Variants in PDE4B observed in about 807,000 individuals in gnomAD.
PDE4B encodes 3',5'-cyclic-AMP phosphodiesterase 4B.
In PDE4B, 20 loss-of-function variants were observed where a neutral mutation model predicts 82.2. That is an observed-to-expected ratio of 0.24 (90% confidence interval 0.17 to 0.35). PDE4B has a LOEUF of 0.35. Ranked by LOEUF, PDE4B falls within the 10% of genes least tolerant of loss-of-function variation. The pLI, the probability that PDE4B is intolerant of heterozygous loss-of-function variation, is 1.00. For synonymous variants in PDE4B, 320 were observed against 318.9 expected (o/e 1.00, Z -0.04); for missense variants, 655 against 907.2 (o/e 0.72, Z 3.57).
intron 1 of PDE4B, among the ~76,000 whole-genome samples, chr1:65,850,499 T>C (rs1430062255): frequency 6.6e-6 from 1 of 152,204 alleles, no homozygotes; most frequent in Non-Finnish European, 1.5e-5. Flanking sequence ...TTTGTGGTTT[T>C]AATTCACAGT....
intron 3 of PDE4B, among the ~76,000 whole-genome samples, chr1:66,223,081 G>C (rs1448256013): frequency 6.6e-6 from 1 of 152,176 alleles, no homozygotes; most frequent in African/African-American, 2.4e-5. Context: ...TGTGCCAGGT[G>C]TGTTCCAGAT....
At chr1:65,937,131 C>T (rs1648192890) in intron 3 of PDE4B, among the ~76,000 whole-genome samples, 1 of 152,174 alleles carries the variant, frequency 6.6e-6, no homozygotes, top group African/African-American at 2.4e-5. Flanking sequence ...GCTTGTCTCC[C>T]ACCTCCATCT....
intron 3 of PDE4B, among the ~76,000 whole-genome samples, chr1:66,203,628 A>G (rs534360254): frequency 2.6e-5 from 4 of 152,000 alleles, no homozygotes; most frequent in African/African-American, 7.2e-5. Context: ...CCTTTCTTCC[A>G]GTTGTTCGCA....
At chr1:66,365,507 T>C (rs1482004375) in intron 12 of PDE4B, among the ~76,000 whole-genome samples, 160 bp from the exon 13 acceptor site, 1 of 152,220 alleles carries the variant, frequency 6.6e-6, no homozygotes, top group Non-Finnish European at 1.5e-5. Flanking sequence ...TTTATGATGA[T>C]GAACAGAATC....
chr1:66,029,779 T>C (rs1198264228), intron 3 of PDE4B, among the ~76,000 whole-genome samples: 3 of 152,220 alleles, frequency 2.0e-5, no homozygotes, highest in Non-Finnish European at 2.9e-5. Flanking sequence ...TGAAATATTT[T>C]AAATACTGAA....
chr1:65,806,298 T>A (rs1645754059), intron 1 of PDE4B, among the ~76,000 whole-genome samples: 1 of 152,214 alleles, frequency 6.6e-6, no homozygotes, highest in South Asian at 2.1e-4. Flanking sequence ...ATAATGCTTG[T>A]TTTTGATTGT....
chr1:65,961,921 C>T (rs898484764), intron 3 of PDE4B, among the ~76,000 whole-genome samples: 26 of 152,102 alleles, frequency 1.7e-4, no homozygotes, highest in African/African-American at 5.8e-4. Context: ...CAGTTAAGTG[C>T]GGCTGAAGAG....
At chr1:65,933,538 C>G (rs1219124180) in intron 3 of PDE4B, among the ~76,000 whole-genome samples, 1 of 151,820 alleles carries the variant, frequency 6.6e-6, no homozygotes, top group Non-Finnish European at 1.5e-5. Context: ...ACTAAAGATA[C>G]AAAAAATTAG....
At chr1:66,015,556 C>G (rs962704601) in intron 3 of PDE4B, among the ~76,000 whole-genome samples, 1 of 151,262 alleles carries the variant, frequency 6.6e-6, no homozygotes, top group Non-Finnish European at 1.5e-5. Context: ...AAGCCTCAAG[C>G]CATGAGAACA....
At chr1:66,211,101 G>A (rs1650010125) in intron 3 of PDE4B, among the ~76,000 whole-genome samples, 1 of 152,178 alleles carries the variant, frequency 6.6e-6, no homozygotes, top group Admixed American at 6.5e-5. Context: ...ATGCCTGACT[G>A]TAAGAAGTGT....
chr1:66,083,219 A>G (rs539901966), intron 3 of PDE4B, among the ~76,000 whole-genome samples: 2 of 152,224 alleles, frequency 1.3e-5, no homozygotes, highest in South Asian at 4.2e-4. Flanking sequence ...CCTGTTCAGT[A>G]ACTTTAAATA....
chr1:66,145,042 T>C (rs1646242086), intron 3 of PDE4B, among the ~76,000 whole-genome samples: 1 of 152,230 alleles, frequency 6.6e-6, no homozygotes, highest in African/African-American at 2.4e-5. Context: ...GATGAACCTA[T>C]GGTGGCCGTG....
chr1:66,339,309 G>A (rs1312739718), intron 8 of PDE4B, among the ~76,000 whole-genome samples: 1 of 152,206 alleles, frequency 6.6e-6, no homozygotes, highest in Non-Finnish European at 1.5e-5. Flanking sequence ...TTGTATTAGT[G>A]AGTATTAGTA....
chr1:66,322,098 C>A (rs1659445178), intron 7 of PDE4B, among the ~76,000 whole-genome samples: 1 of 152,100 alleles, frequency 6.6e-6, no homozygotes, highest in African/African-American at 2.4e-5. Context: ...ATAAACGGTG[C>A]TGGAAAAACT....
intron 3 of PDE4B, among the ~76,000 whole-genome samples, chr1:66,084,700 G>A (rs538412488): frequency 3.9e-5 from 6 of 152,184 alleles, no homozygotes; most frequent in Admixed American, 3.3e-4. Context: ...AGATATGGTA[G>A]GTCTGGCCTG....
intron 3 of PDE4B, among the ~76,000 whole-genome samples, chr1:66,024,686 A>G (rs530165830): frequency 6.6e-6 from 1 of 152,194 alleles, no homozygotes; most frequent in South Asian, 2.1e-4. Flanking sequence ...GCAGATTCTT[A>G]ATACATTTTT....
chr1:66,064,711 C>T (rs1655755018), intron 3 of PDE4B, among the ~76,000 whole-genome samples: 3 of 151,908 alleles, frequency 2.0e-5, no homozygotes. Flanking sequence ...TTACTGAATT[C>T]TTGGACACTG....
rs567843229 is a variant in PDE4B, at chr1:65,855,372, G to A, written c.-70-57873G>A. On this transcript the variant is annotated intron_variant, in intron 1 of 16. Transcript: ENST00000341517. ...TTCCCCAGCTGTTGGTTGGTTAACTGCAGCTTAGTTTGATCCTTTTGAAGC... is the reference window on the plus strand; with the variant it reads ...TTCCCCAGCTGTTGGTTGGTTAACTACAGCTTAGTTTGATCCTTTTGAAGC... Among the ~76,000 whole-genome samples, 14 of 152,212 alleles carry A rather than the reference G, an allele frequency of 9.2e-5. 1 individual carries two copies. In the East Asian group the frequency reaches 2.7e-3, roughly 29 times the overall value.
At chr1:66,059,888 C>A (rs2100892164) in intron 3 of PDE4B, among the ~76,000 whole-genome samples, 1 of 152,256 alleles carries the variant, frequency 6.6e-6, no homozygotes, top group East Asian at 1.9e-4. Context: ...ATACCTCTTA[C>A]AATGGAACCC....
Sources: allele counts gnomAD v4.1 joint callset (sites outside exome capture counted in the v4.1 genomes callset), GRCh38; gene constraint gnomAD v4.1.1; transcripts MANE v1.5; gene names NCBI Gene and HGNC (gene_info 2026-07-23, HGNC 2026-07-21).